The following ADI1 variants were observed in gnomAD, a reference collection of about 807,000 sequenced individuals.
The protein encoded by ADI1 is acireductone dioxygenase.
ADI1 carries 21 observed loss-of-function variants against 18.7 expected under a neutral mutation model. That is an observed-to-expected ratio of 1.13 (90% CI 0.80 to 1.62). The LOEUF is 1.62. Ranked by LOEUF, ADI1 falls within the 40% of genes most tolerant of loss-of-function variation. ADI1 has a pLI of 0.00. For missense variants in ADI1, 245 were observed against 254.9 expected (o/e 0.96, Z 0.26); for synonymous variants, 90 against 100.1 (o/e 0.90, Z 0.60).
Position 3,498,856 on chromosome 2 carries a change from T to C in ADI1, c.*107A>G. 3 of 1,454,106 alleles carry C rather than the reference T, an allele frequency of 2.1e-6. No individual in the cohort carries two copies. The highest frequency in any genetic ancestry group is 2.8e-6 in the Non-Finnish European group (3 of 1,082,812). 90.1% of individuals were successfully genotyped at this position (1,454,106 alleles called of 1,614,324 possible). A position where few individuals can be genotyped will look rare whatever the true frequency, so the allele number is the denominator to read the frequency against. ...ATAATCTTACAAAGGAAAGATAATC[T>C]AGCCTCAAGGCTATCCTCTAAAAGC... On this transcript the variant is annotated 3_prime_UTR_variant, in exon 4 of 4. Coordinates refer to ENST00000327435, the MANE Select transcript of ADI1 (RefSeq NM_018269.4).
At chr2:3,503,029 CTGTT>C (rs1261793222) in intron 2 of ADI1, among the ~76,000 whole-genome samples, 11 of 152,170 alleles carry the variant, frequency 7.2e-5, no homozygotes, top group Non-Finnish European at 1.3e-4. Context: ...TTAGAGGTGT[CTGTT>C]TGAACTACTT....
At chr2:3,503,631 T>G (rs1277458749) in intron 2 of ADI1, among the ~76,000 whole-genome samples, 2 of 152,168 alleles carry the variant, frequency 1.3e-5, no homozygotes. Flanking sequence ...GGCACTCCCA[T>G]CCGAGTTTCT....
chr2:3,514,805 T>A lies in ADI1; in HGVS notation c.121-829A>T, dbSNP rs1027877085. The A allele has an allele frequency of 5.8e-6, 9 of 1,548,686 alleles. No homozygotes were observed. In the African/African-American group the frequency reaches 1.1e-4, roughly 19 times the overall value. ...AACTGCACATTATATCATCACTACT[T>A]ACTGAACAACAAACTCCAGTGTTGC... On this transcript the variant is annotated intron_variant, in intron 1 of 3. Transcript: ENST00000327435.
intron 2 of ADI1, among the ~76,000 whole-genome samples, chr2:3,508,976 A>G (rs1337711527): frequency 1.7e-5 from 2 of 114,564 alleles, no homozygotes; most frequent in East Asian, 6.1e-4. Context: ...AGGAGGGGAG[A>G]GAGGGCGGAA....
intron 2 of ADI1, among the ~76,000 whole-genome samples, chr2:3,505,806 G>A (rs1048183708): frequency 2.6e-5 from 4 of 152,142 alleles, no homozygotes; most frequent in Non-Finnish European, 5.9e-5. Context: ...GAGGTAATTA[G>A]GATTAGATAA....
Position 3,498,781 on chromosome 2 carries a change from C to T in ADI1, c.*182G>A, listed in dbSNP as rs1273009058. ...TACAGAAAATGAAGGTGACTCTTTA[C>T]ACTTCCAAGTTGCTTTCTAGATCCT... On this transcript the variant is annotated 3_prime_UTR_variant, in exon 4 of 4. Transcript: ENST00000327435. The T allele has an allele frequency of 5.1e-6, 5 of 981,948 alleles. No homozygotes were observed. Among genetic ancestry groups the T allele is most frequent in the Non-Finnish European group, 7.2e-6 (5 of 695,878 alleles). 60.8% of individuals were successfully genotyped at this position (981,948 alleles called of 1,614,324 possible).
chr2:3,500,473 T>A, intron 3 of ADI1: 1 of 197,364 alleles, frequency 5.1e-6, no homozygotes, highest in Non-Finnish European at 8.2e-6. Context: ...ACCCTAGAGA[T>A]GCCTCACCGC....
chr2:3,514,809 G>A (rs1667363481), intron 1 of ADI1: 1 of 1,548,484 alleles, frequency 6.5e-7, no homozygotes, highest in African/African-American at 1.4e-5. Flanking sequence ...ACTACTTACT[G>A]AACAACAAAC....
In ADI1 at chr2:3,503,383, G is replaced by A. The variant is rs999744493; in HGVS notation, c.241-2390C>T. Among the ~76,000 whole-genome samples the A allele has an allele frequency of 1.4e-4, 18 of 127,216 alleles. 4 individuals carry two copies. Among genetic ancestry groups the A allele is most frequent in the Admixed American group, 6.2e-4 (8 of 12,814 alleles). 83.5% of individuals were successfully genotyped at this position (127,216 alleles called of 152,430 possible). On this transcript the variant is annotated intron_variant, in intron 2 of 3. Transcript: ENST00000327435. Reference sequence around the variant, plus strand: ...TTCACACACATGCACACATACACACGTACTCACACGCACATTCACACACAT... The same window carrying A: ...TTCACACACATGCACACATACACACATACTCACACGCACATTCACACACAT...
At chr2:3,511,564 T>A (rs1347823133) in intron 2 of ADI1, among the ~76,000 whole-genome samples, 1 of 152,166 alleles carries the variant, frequency 6.6e-6, no homozygotes, top group African/African-American at 2.4e-5. Flanking sequence ...AATTTTCTTA[T>A]AAATTACACA....
intron 2 of ADI1, among the ~76,000 whole-genome samples, chr2:3,506,189 T>A (rs1667172522): frequency 6.6e-6 from 1 of 152,178 alleles, no homozygotes; most frequent in African/African-American, 2.4e-5. Flanking sequence ...ACTACAAGAC[T>A]GAGACTGTCC....
At position 3,503,244 on chromosome 2, in the gene ADI1, TCA is replaced by T. The variant is rs576698860; in HGVS notation, c.241-2253_241-2252del. On this transcript the variant is annotated intron_variant, in intron 2 of 3. Coordinates refer to ENST00000327435, the MANE Select transcript of ADI1 (RefSeq NM_018269.4). The stretch of plus-strand genomic sequence containing the variant: ...ACACGTAACACTCTCTCATGTGCAT[TCA>T]CACACATGCACACACGTAACACTCA... 2.3e-4 allele frequency among the ~76,000 whole-genome samples: 33 copies of T among 145,454 alleles called. 3 individuals are homozygous for T. Among genetic ancestry groups the T allele is most frequent in the South Asian group, 8.7e-4 (4 of 4,600 alleles).
At chr2:3,518,577 G>T (rs1403393849) in intron 1 of ADI1, among the ~76,000 whole-genome samples, 1 of 152,152 alleles carries the variant, frequency 6.6e-6, no homozygotes, top group East Asian at 1.9e-4. Context: ...GGCCCAGCCG[G>T]GACCCAAGCC....
At chr2:3,517,674 G>A (rs1385712613) in intron 1 of ADI1, 2 of 152,030 alleles carry the variant, frequency 1.3e-5, no homozygotes, top group East Asian at 3.9e-4. Flanking sequence ...GCTGACACAT[G>A]AGAATGGCTT....
At chr2:3,510,778 G>A (rs7586092) in intron 2 of ADI1, among the ~76,000 whole-genome samples, 76,328 of 151,978 alleles carry the variant, frequency 0.5, 22,431 homozygotes, top group African/African-American at 0.83. Context: ...TAGTAAAGAA[G>A]TTGAACTCAC....
In ADI1 at chr2:3,516,127, G is replaced by A. The variant is rs777727393; in HGVS notation, c.121-2151C>T. The A allele has an allele frequency of 4.6e-6, 4 of 865,470 alleles. No homozygotes were observed. In the African/African-American group the frequency reaches 7.3e-5, roughly 16 times the overall value. 53.6% of individuals were successfully genotyped at this position (865,470 alleles called of 1,614,324 possible). ...CAAATGTGATAGTATTAAGGGGTGGGACCTTTAGGATGTGATTAAGTCATG... is the reference window on the plus strand; with the variant it reads ...CAAATGTGATAGTATTAAGGGGTGGAACCTTTAGGATGTGATTAAGTCATG... On this transcript the variant is annotated intron_variant, in intron 1 of 3. Transcript: ENST00000327435.
intron 2 of ADI1, 74 bp from the exon 3 acceptor site, chr2:3,501,067 C>A: frequency 1.4e-6 from 2 of 1,402,510 alleles, no homozygotes; most frequent in Non-Finnish European, 1.9e-6. Flanking sequence ...CACTCAGCAG[C>A]CTGAGCCTTT....
At chr2:3,511,961 G>A (rs1162777252) in intron 2 of ADI1, among the ~76,000 whole-genome samples, 1 of 152,246 alleles carries the variant, frequency 6.6e-6, no homozygotes, top group African/African-American at 2.4e-5. Context: ...TGAGAGTGAT[G>A]CCTAGGGTAT....
At chr2:3,514,594 A>C (rs142412045) in intron 1 of ADI1, among the ~76,000 whole-genome samples, 2 of 152,304 alleles carry the variant, frequency 1.3e-5, no homozygotes, top group Admixed American at 1.3e-4. Context: ...CTTGCTCATG[A>C]CAGCTTTCTA....
Sources: gnomAD v4.1 joint callset for allele counts (sites outside exome capture counted in the v4.1 genomes callset) on GRCh38, gnomAD v4.1.1 for gene constraint, MANE v1.5 for transcripts, NCBI Gene and HGNC (gene_info 2026-07-23, HGNC 2026-07-21) for gene names.